GDF1: variants seen among roughly 807,000 people sequenced by gnomAD.
The protein encoded by GDF1 is embryonic growth/differentiation factor 1.
Under a neutral mutation model 7.4 loss-of-function variants are expected in GDF1, and 8 were observed. That is an observed-to-expected ratio of 1.09 (90% CI 0.64 to 1.96). GDF1 has a LOEUF of 1.96. Ranked by LOEUF, GDF1 falls within the 30% of genes most tolerant of loss-of-function variation. The pLI, the probability that GDF1 is intolerant of heterozygous loss-of-function variation, is 0.00. For synonymous variants in GDF1, 311 were observed against 276.7 expected, an observed-to-expected ratio of 1.12 and a Z score of -1.23; for missense variants, 574 against 551.5, an observed-to-expected ratio of 1.04 and a Z score of -0.41.
At chr19:18,869,411 A>G in intron 7 of GDF1, 21 bp from the exon 8 acceptor site, 2 of 1,524,646 alleles carry the variant, frequency 1.3e-6, no homozygotes, top group African/African-American at 1.4e-5. Flanking sequence ...AGGAACAGGA[A>G]CTCGGCTCGC....
intron 6 of GDF1, among the ~76,000 whole-genome samples, chr19:18,871,760 G>T (rs551835242): frequency 1.3e-5 from 2 of 152,326 alleles, no homozygotes; most frequent in East Asian, 3.9e-4. Context: ...TTATCTGAGA[G>T]GAGATAAGCC....
rs373927986 is a variant in GDF1 at position 18,879,029 on chromosome 19, G to A, written c.-412C>T. On this transcript the variant is annotated 5_prime_UTR_variant, in exon 6 of 8. Transcript: ENST00000247005. ...GCCTGTCAACACCTTGGCTGCAAAC[G>A]CCACGATGTACTGCGAGAGGGGAGG... The A allele has an allele frequency of 2.7e-5, 43 of 1,613,372 alleles. No individual in the cohort carries two copies. In the African/African-American group the frequency reaches 2.9e-4, roughly 11 times the overall value.
chr19:18,884,332 C>G, intron 2 of GDF1, 65 bp from the exon 3 acceptor site: 1 of 1,476,822 alleles, frequency 6.8e-7, no homozygotes, highest in Non-Finnish European at 9.1e-7. Context: ...CTCCATGACC[C>G]GGTGACACCC....
At chr19:18,873,174 T>TATCA in intron 6 of GDF1, among the ~76,000 whole-genome samples, 1 of 152,278 alleles carries the variant, frequency 6.6e-6, no homozygotes, top group African/African-American at 2.4e-5. Context: ...GACACTAGTC[T>TATCA]ATCACTAGAG....
Position 18,879,303 on chromosome 19 carries a change from A to AG in GDF1, c.-486dup. ...AGGAGCGCATTGAAGAAGAAGTAGA[A>AG]GGGGATGTCAGGCACCGTGCGCAGA... On this transcript the variant is annotated 5_prime_UTR_variant, in exon 5 of 8. It introduces an in-frame stop codon into an upstream open reading frame of the 5' UTR. Transcript: ENST00000247005. The AG allele has an allele frequency of 6.2e-7, 1 of 1,612,762 alleles. No individual in the cohort carries two copies. The highest frequency in any genetic ancestry group is 8.5e-7 in the Non-Finnish European group (1 of 1,179,470).
intron 6 of GDF1, chr19:18,877,986 AG>A (rs1157697049): frequency 3.0e-6 from 3 of 985,318 alleles, no homozygotes; most frequent in Non-Finnish European, 3.6e-6. Context: ...CCTTCCAAAC[AG>A]GGTGGGGGGT....
In GDF1 at chr19:18,870,254, G is replaced by A. The variant is rs1420961005; in HGVS notation, c.54C>T (p.Ala18=). Residue 18 remains alanine, a synonymous_variant, in exon 7 of 8, where the codon GCC becomes GCT. Transcript: ENST00000247005. The surrounding 1 kb of genome is among the most constrained non-coding windows in gnomAD (Gnocchi z 5.1). The part of the protein sequence containing the change: ...PCGHHLLLLL[A]LLLPSLPLTR... ...TCAGGGGCAGCGAGGGCAGCAGCAG[G>A]GCCAGGAGGAGGAGGAGGTGGTGGC... 1.3e-6 allele frequency: 2 copies of A among 1,551,588 alleles called. No individual in the cohort carries two copies. Among genetic ancestry groups the A allele is most frequent in the East Asian group, 4.7e-5 (2 of 42,132 alleles).
intron 6 of GDF1, among the ~76,000 whole-genome samples, chr19:18,874,632 G>A (rs1022188649): frequency 6.6e-6 from 1 of 152,244 alleles, no homozygotes; most frequent in African/African-American, 2.4e-5. Context: ...ACTTTGGACA[G>A]AGGGGCTGAG....
chr19:18,890,795 A>AG (rs1277149109), intron 2 of GDF1, among the ~76,000 whole-genome samples: 1 of 149,920 alleles, frequency 6.7e-6, no homozygotes, highest in Non-Finnish European at 1.5e-5. Flanking sequence ...AAAAAAAAAA[A>AG]AAAAAAAAGC....
chr19:18,877,961 A>T (rs529982729), intron 6 of GDF1: 2 of 984,680 alleles, frequency 2.0e-6, no homozygotes, highest in African/African-American at 3.5e-5. Context: ...CCCAAGGCGA[A>T]TCTGATGGGT....
chr19:18,880,240 C>T, intron 4 of GDF1, 34 bp downstream of exon 4: 1 of 1,521,818 alleles, frequency 6.6e-7, no homozygotes, highest in South Asian at 1.2e-5. Context: ...CCAGGCCACA[C>T]CTCCCTCCCT....
At chr19:18,894,541 G>A (rs1273478427) in intron 1 of GDF1, among the ~76,000 whole-genome samples, 2 of 152,118 alleles carry the variant, frequency 1.3e-5, no homozygotes, top group African/African-American at 4.8e-5. Context: ...CTCGGCCCTG[G>A]TAGTCTACCA....
At position 18,869,079 on chromosome 19, in the gene GDF1, G is replaced by A. The variant is rs1048221173; in HGVS notation, c.637C>T (p.Leu213Phe). 2 of 1,060,872 alleles carry A rather than the reference G, an allele frequency of 1.9e-6. No homozygotes were observed. The highest frequency in any genetic ancestry group is 2.3e-6 in the Non-Finnish European group (2 of 879,242). 65.7% of individuals were successfully genotyped at this position (1,060,872 alleles called of 1,614,324 possible). A position where few individuals can be genotyped will look rare whatever the true frequency, so the allele number is the denominator to read the frequency against. Residue 213 changes from leucine to phenylalanine, a missense_variant, in exon 8 of 8, where the codon CTC becomes TTC. Transcript: ENST00000247005. ...WARNASWPRS[L>F]RLALALRPRA... ...GGGCGTAGCGCCAGCGCCAGGCGGA[G>A]GCTGCGCGGCCATGAGGCGTTGCGA... is the stretch of plus-strand genomic sequence containing the variant.
In GDF1 at chr19:18,878,986, C is replaced by T. The variant is rs776038026; in HGVS notation, c.-369G>A. ...CGGCTGTGTCATACTCCCGCAGGTC[C>T]TTCAGCTCGTGCACCTGGCCTGTCA... is the stretch of plus-strand genomic sequence containing the variant. On this transcript the variant is annotated 5_prime_UTR_variant, in exon 6 of 8. Transcript: ENST00000247005. This position sits in a 1 kb window ranked among gnomAD's most constrained non-coding sequence, Gnocchi z 4.6. 2 of 1,613,734 alleles carry T rather than the reference C, an allele frequency of 1.2e-6. No individual in the cohort carries two copies. The highest frequency in any genetic ancestry group is 1.7e-6 in the Non-Finnish European group (2 of 1,179,862).
In GDF1 at chr19:18,896,122, C is replaced by T. The variant is rs2146085605; in HGVS notation, c.-1372G>A. The T allele has an allele frequency of 1.3e-6, 1 of 741,948 alleles. No homozygotes were observed. Among genetic ancestry groups the T allele is most frequent in the South Asian group, 6.0e-5 (1 of 16,790 alleles). The allele number at this position is 741,948 out of a possible 1,614,324, so 46.0% of individuals were successfully genotyped here. ...GTCGCCTGCGCCCGCCCGCGGTAGC[C>T]GACGGAGCCGCGCGCCCCGCGTCAC... On this transcript the variant is annotated 5_prime_UTR_variant, in exon 1 of 8. Transcript: ENST00000247005. This position sits in a 1 kb window ranked among gnomAD's most constrained non-coding sequence, Gnocchi z 5.9.
rs2145988886 is a variant in GDF1, at chr19:18,869,981, A to G, written c.325+2T>C. 1.3e-6 allele frequency: 2 copies of G among 1,585,336 alleles called. No individual in the cohort carries two copies. The highest frequency in any genetic ancestry group is 1.7e-6 in the Non-Finnish European group (2 of 1,167,534). The stretch of plus-strand genomic sequence containing the variant: ...AGTGTCCCCAGCGAAAGCCCCACTC[A>G]CCGCGGTCCGGGATGTGGCGCACGA... On this transcript the variant is annotated splice_donor_variant, in intron 7 of 7. Transcript: ENST00000247005. LOFTEE classifies it high-confidence loss of function.
intron 3 of GDF1, among the ~76,000 whole-genome samples, chr19:18,881,390 T>G (rs1053763409): frequency 1.3e-5 from 2 of 151,848 alleles, no homozygotes; most frequent in Non-Finnish European, 2.9e-5. Flanking sequence ...CCAGTTAATT[T>G]TGTATTTTTA....
intron 2 of GDF1, among the ~76,000 whole-genome samples, chr19:18,890,952 C>T (rs1178721387): frequency 2.0e-5 from 3 of 151,864 alleles, no homozygotes; most frequent in South Asian, 2.1e-4. Flanking sequence ...GGTGAAACCT[C>T]GTCTCTACTA....
Position 18,890,442 on chromosome 19 carries a change from T to C in GDF1, c.-914+2974A>G, listed in dbSNP as rs144086675. 1.0e-3 allele frequency among the ~76,000 whole-genome samples: 158 copies of C among 152,296 alleles called. 2 individuals are homozygous for C. The East Asian group carries it at 0.024, about 24-fold the overall frequency. On this transcript the variant is annotated intron_variant, in intron 2 of 7. Transcript: ENST00000247005. ...TGGCATACAGTAGTCGCTCAATAAA[T>C]AGACATGGAAATAATCAGCTAACTT... is the stretch of plus-strand genomic sequence containing the variant.
Sources: allele counts gnomAD v4.1 joint callset (sites outside exome capture counted in the v4.1 genomes callset), GRCh38; gene constraint gnomAD v4.1.1; non-coding constraint Gnocchi (gnomAD v3.1); transcripts MANE v1.5; gene names NCBI Gene and HGNC (gene_info 2026-07-23, HGNC 2026-07-21).